The following ENTPD3 variants were observed in gnomAD, a reference collection of about 807,000 sequenced individuals.
ENTPD3 encodes the protein ectonucleoside triphosphate diphosphohydrolase 3, also known as CD39 antigen-like 3.
In ENTPD3, 60 loss-of-function variants were observed where a neutral mutation model predicts 51.2. That is an observed-to-expected ratio of 1.17 (90% CI 0.95 to 1.45). ENTPD3 has a LOEUF of 1.45. ENTPD3 is among the 40% of genes most tolerant of loss of function. The pLI is 0.00. For missense variants in ENTPD3, 593 were observed against 641.1 expected, an observed-to-expected ratio of 0.93 and a Z score of 0.81; for synonymous variants, 221 against 238.4, an observed-to-expected ratio of 0.93 and a Z score of 0.67.
At chr3:40,425,729 T>C (rs1026770089) in intron 10 of ENTPD3, among the ~76,000 whole-genome samples, 34 of 151,986 alleles carry the variant, frequency 2.2e-4, no homozygotes, top group African/African-American at 8.2e-4. Context: ...AAACCATGTC[T>C]CTACTAAACA....
chr3:40,401,822 G>C (rs924408205), intron 4 of ENTPD3, among the ~76,000 whole-genome samples: 8 of 152,122 alleles, frequency 5.3e-5, no homozygotes, highest in Non-Finnish European at 8.8e-5. Context: ...TGGCCCATGG[G>C]GTGCCAACCC....
intron 3 of ENTPD3, among the ~76,000 whole-genome samples, chr3:40,396,032 A>G (rs562134328): frequency 1.3e-5 from 2 of 152,328 alleles, no homozygotes; most frequent in South Asian, 2.1e-4. Flanking sequence ...AGGAACCAGG[A>G]GACACACCCT....
intron 7 of ENTPD3, among the ~76,000 whole-genome samples, chr3:40,418,378 C>A (rs997149369): frequency 6.6e-6 from 1 of 152,176 alleles, no homozygotes; most frequent in Admixed American, 6.5e-5. Context: ...CAAATTATTG[C>A]ATTGTAAACA....
intron 4 of ENTPD3, among the ~76,000 whole-genome samples, chr3:40,402,435 AT>A (rs1955385851): frequency 6.6e-6 from 1 of 151,540 alleles, no homozygotes; most frequent in Non-Finnish European, 1.5e-5. Context: ...TTCCTTGTTG[AT>A]GGGCATTTGT....
At chr3:40,423,744 T>G in intron 9 of ENTPD3, 82 bp from the exon 10 acceptor site, 1 of 1,510,178 alleles carries the variant, frequency 6.6e-7, no homozygotes, top group South Asian at 1.2e-5. Flanking sequence ...ATAAGATTCT[T>G]TAAAACATGA....
At position 40,411,794 on chromosome 3, in the gene ENTPD3, T is replaced by C. The variant is rs957419715; in HGVS notation, c.287-18T>C. ...GGTTCCTGGAAATGCTGACAGATGC[T>C]GACTGCTTGCTTTTCAGGCTCTGGA... On this transcript the variant is annotated intron_variant, in intron 4 of 10. Coordinates refer to ENST00000301825, the MANE Select transcript of ENTPD3 (RefSeq NM_001248.4). 3.2e-6 allele frequency: 5 copies of C among 1,569,442 alleles called. No individual in the cohort carries two copies. Among genetic ancestry groups the C allele is most frequent in the East Asian group, 2.3e-5 (1 of 43,072 alleles).
Position 40,423,879 on chromosome 3 carries a change from C to T in ENTPD3, c.1269C>T (p.Phe423=). The change falls in exon 10 of 11, where the codon TTC becomes TTT. Residue 423 remains phenylalanine, a synonymous_variant. Transcript: ENST00000301825. ...AGGTATATGCCCGCTCTTACTGCTT[C>T]TCAGCCAACTACATCTACCACTTGT... ...FDEVYARSYC[F]SANYIYHLFV... 6.2e-7 allele frequency: 1 copy of T among 1,614,162 alleles called. No homozygotes were observed. Among genetic ancestry groups the T allele is most frequent in the Non-Finnish European group, 8.5e-7 (1 of 1,180,006 alleles).
At chr3:40,407,639 T>C (rs1316167609) in intron 4 of ENTPD3, among the ~76,000 whole-genome samples, 1 of 152,094 alleles carries the variant, frequency 6.6e-6, no homozygotes, top group Non-Finnish European at 1.5e-5. Flanking sequence ...CCAGCTCATC[T>C]AAGGAGTGAA....
At chr3:40,387,973 C>A in intron 1 of ENTPD3, 73 bp from the exon 2 acceptor site, 1 of 1,293,998 alleles carries the variant, frequency 7.7e-7, no homozygotes, top group Non-Finnish European at 1.1e-6. Flanking sequence ...TTTGTCTTAA[C>A]CTGGGCTCGT....
chr3:40,391,036 C>A (rs1187155798), intron 2 of ENTPD3: 2 of 152,188 alleles, frequency 1.3e-5, no homozygotes, highest in South Asian at 4.2e-4. Flanking sequence ...GATCTCAACT[C>A]ATTGCAACCT....
chr3:40,389,807 C>T (rs115450390), intron 2 of ENTPD3, among the ~76,000 whole-genome samples: 3,304 of 152,166 alleles, frequency 0.022, 50 homozygotes, highest in Non-Finnish European at 0.033. Context: ...ATATCGTGGG[C>T]GCATAGACAT....
rs56779352 is a variant in ENTPD3, at chr3:40,420,461, G to A, written c.832-2389G>A. On this transcript the variant is annotated intron_variant, in intron 7 of 10. Coordinates refer to ENST00000301825, the MANE Select transcript of ENTPD3 (RefSeq NM_001248.4). ...TCACTGTGTTAGCCAGGATGGCCTCGATCTCCTGACCTCGTGATCCGCCCG... is the reference window on the plus strand; with the variant it reads ...TCACTGTGTTAGCCAGGATGGCCTCAATCTCCTGACCTCGTGATCCGCCCG... Among the ~76,000 whole-genome samples the A allele has an allele frequency of 6.5e-3, 983 of 151,844 alleles. 8 individuals are homozygous for A. Among genetic ancestry groups the A allele is most frequent in the African/African-American group, 0.023 (943 of 41,386 alleles).
intron 3 of ENTPD3, chr3:40,394,196 C>T (rs909420338): frequency 6.5e-5 from 11 of 168,382 alleles, no homozygotes; most frequent in Non-Finnish European, 1.4e-4. Context: ...CTCGCCCCAA[C>T]CTCTGCCTCC....
chr3:40,413,462 T>C (rs1280198325), intron 5 of ENTPD3, among the ~76,000 whole-genome samples: 1 of 152,244 alleles, frequency 6.6e-6, no homozygotes, highest in African/African-American at 2.4e-5. Context: ...TTACCAGTAG[T>C]GTTTGTACAT....
Position 40,424,360 on chromosome 3 carries a change from G to T in ENTPD3, c.1353+397G>T, listed in dbSNP as rs1955943599. On this transcript the variant is annotated intron_variant, in intron 10 of 10. Transcript: ENST00000301825. Reference sequence around the variant, plus strand: ...CTGAAAAGAAGCTTTAAATGTAACAGTTTTTTAAAGAGGATAGTAACTAAT... The same window carrying T: ...CTGAAAAGAAGCTTTAAATGTAACATTTTTTTAAAGAGGATAGTAACTAAT... Among the ~76,000 whole-genome samples the T allele has an allele frequency of 2.0e-5, 3 of 152,300 alleles. No individual in the cohort carries two copies. In the South Asian group the frequency reaches 6.2e-4, roughly 32 times the overall value.
At chr3:40,387,774 T>A (rs1401395972) in intron 1 of ENTPD3, among the ~76,000 whole-genome samples, 1 of 152,122 alleles carries the variant, frequency 6.6e-6, no homozygotes, top group Admixed American at 6.5e-5. Flanking sequence ...GGTGGAACAA[T>A]CTGCAGAAAA....
Position 40,400,974 on chromosome 3 carries a change from C to T in ENTPD3, c.249C>T (p.Thr83=), listed in dbSNP as rs201464840. The T allele has an allele frequency of 1.6e-5, 26 of 1,613,648 alleles. No individual in the cohort carries two copies. In the Admixed American group the frequency reaches 2.0e-4, roughly 12 times the overall value. The change falls in exon 4 of 11, where the codon ACC becomes ACT. Residue 83 remains threonine (T), a synonymous_variant. Coordinates refer to ENST00000301825, the MANE Select transcript of ENTPD3 (RefSeq NM_001248.4). ...GGCCAGCAGAAAAAGAGAATAATACCGGAGTGGTCAGTCAAACCTTCAAAT... is the reference window on the plus strand; with the variant it reads ...GGCCAGCAGAAAAAGAGAATAATACTGGAGTGGTCAGTCAAACCTTCAAAT... ...YQWPAEKENN[T]GVVSQTFKCS...
Position 40,427,369 on chromosome 3 carries a change from C to T in ENTPD3, c.1451C>T (p.Pro484Leu), listed in dbSNP as rs1169472626. The change falls in exon 11 of 11, where the codon CCA (proline) becomes CTA (leucine). Residue 484 changes from proline to leucine, a missense_variant. Coordinates refer to ENST00000301825, the MANE Select transcript of ENTPD3 (RefSeq NM_001248.4). ...ESPLIRLPIE[P>L]PVFVGTLAFF... ...CCTCTGATCCGTCTGCCCATAGAAC[C>T]ACCTGTCTTTGTGGGCACCCTCGCT... 6.2e-7 allele frequency: 1 copy of T among 1,614,120 alleles called. No individual in the cohort carries two copies. Among genetic ancestry groups the T allele is most frequent in the Non-Finnish European group, 8.5e-7 (1 of 1,180,028 alleles).
At chr3:40,415,800 C>A in intron 6 of ENTPD3, 40 bp from the exon 7 acceptor site, 2 of 1,537,526 alleles carry the variant, frequency 1.3e-6, no homozygotes, top group Non-Finnish European at 1.8e-6. Context: ...AGAGATGGTG[C>A]CTTTGGCTTT....
Sources: gnomAD v4.1 joint callset for allele counts (sites outside exome capture counted in the v4.1 genomes callset) on GRCh38, gnomAD v4.1.1 for gene constraint, MANE v1.5 for transcripts, NCBI Gene and HGNC (gene_info 2026-07-23, HGNC 2026-07-21) for gene names.